Variants in DNAH8 observed in about 807,000 individuals in gnomAD.
The protein encoded by DNAH8 is axonemal beta dynein heavy chain 8.
A neutral mutation model predicts 562.1 loss-of-function variants in DNAH8; 382 were observed. That is an observed-to-expected ratio of 0.68 (90% confidence interval 0.63 to 0.74). The LOEUF (loss-of-function observed/expected upper bound fraction) is 0.74. Ranked by LOEUF, DNAH8 falls within the 30% of genes least tolerant of loss-of-function variation. DNAH8 has a pLI of 0.00. For missense variants in DNAH8, 5,203 were observed against 5,620.4 expected, an observed-to-expected ratio of 0.93 and a Z score of 2.37; for synonymous variants, 1,881 against 1,919.4, an observed-to-expected ratio of 0.98 and a Z score of 0.52.
intron 62 of DNAH8, among the ~76,000 whole-genome samples, chr6:38,900,889 G>A (rs1413860786): frequency 2.6e-5 from 4 of 152,160 alleles, no homozygotes; most frequent in South Asian, 2.1e-4. Context: ...AATTATAGGC[G>A]TGAGCCACCG....
chr6:38,944,995 A>C (rs968657436), intron 79 of DNAH8, among the ~76,000 whole-genome samples: 6 of 151,384 alleles, frequency 4.0e-5, no homozygotes, highest in African/African-American at 1.5e-4. Flanking sequence ...CCTAACCCTA[A>C]CCCTAACCCT....
Position 38,845,766 on chromosome 6 carries a change from A to T in DNAH8, c.5038A>T (p.Ser1680Cys). 6.2e-7 allele frequency: 1 copy of T among 1,610,168 alleles called. No individual in the cohort carries two copies. The highest frequency in any genetic ancestry group is 8.5e-7 in the Non-Finnish European group (1 of 1,176,766). Residue 1680 changes from serine (S) to cysteine (C), a missense_variant, in exon 36 of 93, where the codon AGC becomes TGC. Ser to Cys is a moderately radical substitution (Grantham distance 112). This residue lies in a region of DNAH8 where 2,176 missense variants were observed against 2,365.1 expected (regional missense o/e 0.92). Transcript: ENST00000327475. ...TTTAATGGTCTTAGGGTCTTTACTCAGCAACAGGTAATTTTATAATTTGAG... is the reference window on the plus strand; with the variant it reads ...TTTAATGGTCTTAGGGTCTTTACTCTGCAACAGGTAATTTTATAATTTGAG... ...DSLMVLGSLL[S>C]NRYNAPFKKN... is the part of the protein sequence containing the mutation.
rs753516694 is a variant in DNAH8 at position 38,736,893 on chromosome 6, A to T, written c.763-174A>T. ...ATATGGGAATAATTAAATTGGGGGCAGAATATAAGTTTGTTGACTTTAGAA... is the reference window on the plus strand; with the variant it reads ...ATATGGGAATAATTAAATTGGGGGCTGAATATAAGTTTGTTGACTTTAGAA... On this transcript the variant is annotated intron_variant, in intron 5 of 92. Coordinates refer to ENST00000327475, the MANE Select transcript of DNAH8 (RefSeq NM_001206927.2). Among the ~76,000 whole-genome samples the T allele has an allele frequency of 2.0e-5, 3 of 152,316 alleles. 1 individual carries two copies. Among genetic ancestry groups the T allele is most frequent in the Middle Eastern group, 3.4e-3 (1 of 294 alleles).
chr6:38,764,996 A>G (rs1766869772), intron 11 of DNAH8, among the ~76,000 whole-genome samples: 1 of 152,026 alleles, frequency 6.6e-6, no homozygotes, highest in African/African-American at 2.4e-5. Flanking sequence ...CACCATGCCC[A>G]GGTAATTTTT....
intron 49 of DNAH8, 110 bp from the exon 50 acceptor site, chr6:38,872,426 A>G: frequency 8.6e-7 from 1 of 1,169,246 alleles, no homozygotes; most frequent in Non-Finnish European, 1.2e-6. Flanking sequence ...ATAGTGAACT[A>G]GTTACGTTAA....
chr6:38,895,871 C>G (rs1171317031), intron 59 of DNAH8, among the ~76,000 whole-genome samples, 162 bp from the exon 60 acceptor site: 1 of 152,166 alleles, frequency 6.6e-6, no homozygotes, highest in Non-Finnish European at 1.5e-5. Context: ...TTATAACTTT[C>G]TTGGATGGGG....
intron 19 of DNAH8, 105 bp from the exon 20 acceptor site, chr6:38,790,184 A>G (rs1417472630): frequency 9.2e-6 from 7 of 761,644 alleles, no homozygotes; most frequent in South Asian, 1.5e-5. Context: ...GGGAAAATAC[A>G]TGTAAGAAAA....
rs1768424506 is a variant in DNAH8, at chr6:38,779,992, T to C, written c.2066T>C (p.Leu689Pro). ...TTTCAGAAGCTGAACATTCCCTGTC[T>C]GGGATTAGAAATAAACCACACAATA... Reference protein sequence around the residue: ...QRFQKLNIPCLGLEINHTIER... With the variant: ...QRFQKLNIPCPGLEINHTIER... The change falls in exon 15 of 93, where the codon CTG becomes CCG. Residue 689 changes from leucine (L) to proline (P), a missense_variant. Coordinates refer to ENST00000327475, the MANE Select transcript of DNAH8 (RefSeq NM_001206927.2). 2 of 1,614,066 alleles carry C rather than the reference T, an allele frequency of 1.2e-6. No individual in the cohort carries two copies. Among genetic ancestry groups the C allele is most frequent in the Non-Finnish European group, 1.7e-6 (2 of 1,179,972 alleles).
chr6:38,741,963 T>A lies in DNAH8; in HGVS notation c.1293+76T>A. On this transcript the variant is annotated intron_variant, in intron 8 of 92. Coordinates refer to ENST00000327475, the MANE Select transcript of DNAH8 (RefSeq NM_001206927.2). ...AAAATTATCCTATTGAACTACTTCT[T>A]AGTATAATATACTGGAATCGTGTTT... 3 of 1,223,410 alleles carry A rather than the reference T, an allele frequency of 2.5e-6. No individual in the cohort carries two copies. In the South Asian group the frequency reaches 4.7e-5, roughly 19 times the overall value. 75.8% of individuals were successfully genotyped at this position (1,223,410 alleles called of 1,614,324 possible).
rs375053939 is a variant in DNAH8 at position 38,875,705 on chromosome 6, C to T, written c.7735C>T (p.Leu2579=). 2.7e-5 allele frequency: 43 copies of T among 1,613,800 alleles called. No homozygotes were observed. The highest frequency in any genetic ancestry group is 1.7e-5 in the Admixed American group (1 of 59,986). ...CCTAATGTGGAGTTTAGGAGCCCTT[C>T]TGGAATTAGAAAGCAGAGAAAAGCT... The part of the protein sequence containing the change: ...FGLMWSLGAL[L]ELESREKLEA... Residue 2579 remains leucine (L), a synonymous_variant, in exon 53 of 93, where the codon CTG becomes TTG. Transcript: ENST00000327475.
At chr6:38,965,258 A>G (rs9394559) in intron 82 of DNAH8, among the ~76,000 whole-genome samples, 61,461 of 151,882 alleles carry the variant, frequency 0.4, 13,866 homozygotes, top group East Asian at 0.68. Context: ...TGCAGCTAAG[A>G]TATAAATATT....
chr6:38,763,256 C>T (rs567808519), intron 11 of DNAH8: 2 of 247,712 alleles, frequency 8.1e-6, no homozygotes, highest in Admixed American at 5.1e-5. Flanking sequence ...TCCCACTATT[C>T]GAAAATAATT....
chr6:38,814,090 C>A lies in DNAH8; in HGVS notation c.3294C>A (p.Ser1098=), dbSNP rs1678690. Residue 1098 remains serine, a synonymous_variant, in exon 25 of 93, where the codon TCC becomes TCA. Transcript: ENST00000327475. ...GAAAGCAGTCAGAAGATATTATTTC[C>A]TTTATAAAAAGTGAAGTACATCTTG... ...YGRKQSEDII[S]FIKSEVHLAI... The A allele has an allele frequency of 3.7e-4, 584 of 1,585,198 alleles. 1 individual carries two copies. The African/African-American group carries it at 6.9e-3, about 19-fold the overall frequency.
chr6:38,862,205 A>G, intron 43 of DNAH8, 75 bp from the exon 44 acceptor site: 1 of 1,362,334 alleles, frequency 7.3e-7, no homozygotes, highest in Non-Finnish European at 1.0e-6. Flanking sequence ...TTCCAATCAC[A>G]TTGGATTTTT....
chr6:38,939,159 A>C (rs1471593311), intron 79 of DNAH8, among the ~76,000 whole-genome samples, 171 bp downstream of exon 79: 1 of 152,216 alleles, frequency 6.6e-6, no homozygotes, highest in African/African-American at 2.4e-5. Flanking sequence ...GTTTTGCCCT[A>C]GTTACTTAAG....
intron 57 of DNAH8, among the ~76,000 whole-genome samples, chr6:38,889,685 T>C (rs1779204121): frequency 6.6e-6 from 1 of 152,184 alleles, no homozygotes; most frequent in South Asian, 2.1e-4. Context: ...ATGCTTCTTA[T>C]AACATGGTTG....
chr6:38,746,452 T>C (rs1193158806), intron 8 of DNAH8, among the ~76,000 whole-genome samples: 1 of 152,186 alleles, frequency 6.6e-6, no homozygotes, highest in Non-Finnish European at 1.5e-5. Context: ...GGGTTTATTT[T>C]ATTGGAGAGT....
intron 24 of DNAH8, among the ~76,000 whole-genome samples, chr6:38,809,313 T>C (rs546357262): frequency 6.6e-6 from 1 of 152,328 alleles, no homozygotes; most frequent in South Asian, 2.1e-4. Flanking sequence ...TGTGATCTGT[T>C]TAAAGAAACC....
At chr6:38,972,142 T>C (rs574577745) in intron 83 of DNAH8, 1 of 152,406 alleles carries the variant, frequency 6.6e-6, no homozygotes, top group South Asian at 2.1e-4. Flanking sequence ...CTGAATGGAG[T>C]GTTGAGAGAG....
Sources: gnomAD v4.1 joint callset for allele counts (sites outside exome capture counted in the v4.1 genomes callset) on GRCh38, gnomAD v4.1.1 for gene constraint, gnomAD v4.1.1 regional missense constraint, MANE v1.5 for transcripts, NCBI Gene and HGNC (gene_info 2026-07-23, HGNC 2026-07-21) for gene names.